EFCAB7: variants seen among roughly 807,000 people sequenced by gnomAD.
The protein encoded by EFCAB7 is EF-hand calcium-binding domain-containing protein 7.
Under a neutral mutation model 77.1 loss-of-function variants are expected in EFCAB7, and 66 were observed. The ratio of observed to expected loss-of-function variants is 0.86; its 90% CI spans 0.70 to 1.05. The LOEUF (loss-of-function observed/expected upper bound fraction) is 1.05, where lower values mean the gene tolerates loss of function less well. Ranked by LOEUF, EFCAB7 falls within the 50% of genes least tolerant of loss-of-function variation. The pLI is 0.00. For synonymous variants in EFCAB7, 225 were observed against 243.3 expected (o/e 0.92, Z 0.70); for missense variants, 638 against 730.5 (o/e 0.87, Z 1.46).
At chr1:63,572,267 A>T (rs1441424891) in intron 13 of EFCAB7, among the ~76,000 whole-genome samples, 175 bp from the exon 14 acceptor site, 1 of 152,230 alleles carries the variant, frequency 6.6e-6, no homozygotes, top group Non-Finnish European at 1.5e-5. Context: ...AGACTGGATT[A>T]TCCTGTTAGA....
Position 63,533,523 on chromosome 1 carries a change from A to C in EFCAB7, c.556A>C (p.Ser186Arg), listed in dbSNP as rs9436246. Reference sequence around the variant, plus strand: ...TACACTAGAAAAACTAGAGGTTGACAGTAAATTGATGCGTCACCAGTTTGG... The same window carrying C: ...TACACTAGAAAAACTAGAGGTTGACCGTAAATTGATGCGTCACCAGTTTGG... Reference protein sequence around the residue: ...KTTLEKLEVDSKLMRHQFGNH... With the variant: ...KTTLEKLEVDRKLMRHQFGNH... The change falls in exon 5 of 14, where the codon AGT becomes CGT. Residue 186 changes from serine (S) to arginine (R), a missense_variant. Physicochemically the swap from Ser to Arg is moderately radical, Grantham distance 110. Coordinates refer to ENST00000371088, the MANE Select transcript of EFCAB7 (RefSeq NM_032437.4). 4 of 1,613,426 alleles carry C rather than the reference A, an allele frequency of 2.5e-6. No homozygotes were observed. The highest frequency in any genetic ancestry group is 2.5e-6 in the Non-Finnish European group (3 of 1,179,630).
chr1:63,570,162 T>C (rs1399313586), intron 12 of EFCAB7: 3 of 152,230 alleles, frequency 2.0e-5, no homozygotes, highest in Non-Finnish European at 2.9e-5. Flanking sequence ...TGCAAATGAT[T>C]ACACAGCTAA....
intron 10 of EFCAB7, among the ~76,000 whole-genome samples, chr1:63,559,472 C>CTTT (rs781219002): frequency 6.6e-6 from 1 of 151,924 alleles, no homozygotes; most frequent in African/African-American, 2.4e-5. Flanking sequence ...TAGGTTCAGT[C>CTTT]TTTTTGTTTG....
chr1:63,540,363 CAAAAAA>C (rs758025864), intron 6 of EFCAB7, among the ~76,000 whole-genome samples: 1 of 44,330 alleles, frequency 2.3e-5, no homozygotes, highest in Non-Finnish European at 5.0e-5. Context: ...GACTCCATCT[CAAAAAA>C]AAAAAAAAAA....
intron 6 of EFCAB7, among the ~76,000 whole-genome samples, chr1:63,542,560 A>C (rs2100889127): frequency 6.6e-6 from 1 of 152,298 alleles, no homozygotes; most frequent in East Asian, 1.9e-4. Context: ...CATTTTATGC[A>C]TTTTATGTTC....
chr1:63,568,228 A>G (rs1647191341), intron 11 of EFCAB7, 82 bp from the exon 12 acceptor site: 4 of 1,217,350 alleles, frequency 3.3e-6, no homozygotes, highest in Non-Finnish European at 4.5e-6. Context: ...AAGGTATAGC[A>G]TATCTTCTTA....
intron 6 of EFCAB7, among the ~76,000 whole-genome samples, chr1:63,543,641 T>A (rs1646856391): frequency 6.6e-6 from 1 of 152,188 alleles, no homozygotes; most frequent in Admixed American, 6.5e-5. Flanking sequence ...AATGTGAGCA[T>A]GAAACCGATC....
Position 63,562,491 on chromosome 1 carries a change from A to ATG in EFCAB7, c.1497+635_1497+636insGT, listed in dbSNP as rs1557687321. 2.7e-4 allele frequency among the ~76,000 whole-genome samples: 21 copies of ATG among 77,880 alleles called. 1 individual carries two copies. Among genetic ancestry groups the ATG allele is most frequent in the African/African-American group, 1.3e-3 (19 of 14,804 alleles). 51.1% of individuals were successfully genotyped at this position (77,880 alleles called of 152,430 possible). On this transcript the variant is annotated intron_variant, in intron 11 of 13. Coordinates refer to ENST00000371088, the MANE Select transcript of EFCAB7 (RefSeq NM_032437.4). ...TATATATATATATATATATATATATATATAAAACTTTTTTTTTTTTTAATT... is the reference window on the plus strand; with the variant it reads ...TATATATATATATATATATATATATATGTATAAAACTTTTTTTTTTTTTAATT...
intron 11 of EFCAB7, among the ~76,000 whole-genome samples, chr1:63,564,376 T>C (rs1647145482): frequency 6.6e-6 from 1 of 152,144 alleles, no homozygotes. Flanking sequence ...TTAAAAATTT[T>C]AGAATGTGCA....
intron 2 of EFCAB7, among the ~76,000 whole-genome samples, chr1:63,527,462 T>C (rs1387243202): frequency 1.3e-5 from 2 of 152,204 alleles, no homozygotes; most frequent in African/African-American, 4.8e-5. Context: ...CATTTTAAGG[T>C]CAGAGACAGC....
chr1:63,564,397 G>C (rs1176796841), intron 11 of EFCAB7, among the ~76,000 whole-genome samples: 3 of 152,100 alleles, frequency 2.0e-5, no homozygotes, highest in Non-Finnish European at 4.4e-5. Context: ...AAAATCACTA[G>C]TATTCCTATA....
intron 5 of EFCAB7, 27 bp from the exon 6 acceptor site, chr1:63,534,068 A>G (rs1646733541): frequency 6.2e-7 from 1 of 1,611,596 alleles, no homozygotes; most frequent in Non-Finnish European, 8.5e-7. Flanking sequence ...TCATAATGTC[A>G]GACCAAATAA....
chr1:63,547,107 G>A (rs994501869), intron 7 of EFCAB7: 5 of 151,954 alleles, frequency 3.3e-5, no homozygotes, highest in African/African-American at 9.7e-5. Flanking sequence ...ATCTCTTGTG[G>A]GATACGTATA....
chr1:63,526,874 C>T lies in EFCAB7; in HGVS notation c.187+1115C>T, dbSNP rs577925319. Among the ~76,000 whole-genome samples, 15 of 152,180 alleles carry T rather than the reference C, an allele frequency of 9.9e-5. 1 individual carries two copies. The South Asian group carries it at 3.1e-3, about 32-fold the overall frequency. ...CTGCCTCCTGGGTTCCAGCGATTCTCCTGCCTCAGCCTCCTGGGTAGCTGA... is the reference window on the plus strand; with the variant it reads ...CTGCCTCCTGGGTTCCAGCGATTCTTCTGCCTCAGCCTCCTGGGTAGCTGA... On this transcript the variant is annotated intron_variant, in intron 2 of 13. Coordinates refer to ENST00000371088, the MANE Select transcript of EFCAB7 (RefSeq NM_032437.4).
At chr1:63,523,804 A>C (rs1365933478) in intron 1 of EFCAB7, among the ~76,000 whole-genome samples, 170 bp downstream of exon 1, 1 of 152,190 alleles carries the variant, frequency 6.6e-6, no homozygotes, top group Non-Finnish European at 1.5e-5. Context: ...ACAAAAATAG[A>C]GAGATGGTGC....
chr1:63,568,446 T>C lies in EFCAB7; in HGVS notation c.1634T>C (p.Met545Thr), dbSNP rs750871543. Reference protein sequence around the residue: ...SVLSNGDAKVMDGYENIIVHT... With the variant: ...SVLSNGDAKVTDGYENIIVHT... ...CTTAGCAACGGTGATGCCAAAGTAA[T>C]GGATGGCTATGAAAATATAATCGTG... The change falls in exon 12 of 14, where the codon ATG becomes ACG. Residue 545 changes from methionine (M) to threonine (T), a missense_variant. Met to Thr is a moderately conservative substitution (Grantham distance 81). Transcript: ENST00000371088. The C allele has an allele frequency of 7.5e-6, 12 of 1,592,068 alleles. No individual in the cohort carries two copies. The highest frequency in any genetic ancestry group is 1.0e-5 in the Non-Finnish European group (12 of 1,171,940).
At chr1:63,577,138 C>CA (rs199999557), downstream of EFCAB7, among the ~76,000 whole-genome samples, 8,019 of 131,234 alleles carry the variant, frequency 0.061, 638 homozygotes, top group African/African-American at 0.19. Flanking sequence ...GAGTAAGACT[C>CA]AAAAAAAAAA....
rs1009149285 is a variant in EFCAB7 at position 63,558,154 on chromosome 1, C to T, written c.1348+907C>T. ...ATATTAAACTGTGATTAATAAAATT[C>T]ATAATATACATAATAGAGTATTACC... is the stretch of plus-strand genomic sequence containing the variant. On this transcript the variant is annotated intron_variant, in intron 10 of 13. Transcript: ENST00000371088. Among the ~76,000 whole-genome samples, 35 of 151,926 alleles carry T rather than the reference C, an allele frequency of 2.3e-4. 1 individual carries two copies. Among genetic ancestry groups the T allele is most frequent in the Non-Finnish European group, 2.9e-5 (2 of 67,980 alleles).
At chr1:63,560,749 T>C (rs1647089383) in intron 10 of EFCAB7, among the ~76,000 whole-genome samples, 1 of 152,064 alleles carries the variant, frequency 6.6e-6, no homozygotes, top group African/African-American at 2.4e-5. Flanking sequence ...CTTGAACTCC[T>C]GAGCTCAGGC....
Sources: gnomAD v4.1 joint callset for allele counts (sites outside exome capture counted in the v4.1 genomes callset) on GRCh38, gnomAD v4.1.1 for gene constraint, MANE v1.5 for transcripts, NCBI Gene and HGNC (gene_info 2026-07-23, HGNC 2026-07-21) for gene names.